CDK14: variants seen among roughly 807,000 people sequenced by gnomAD.
CDK14 encodes cyclin-dependent kinase 14.
Under a neutral mutation model 60.7 loss-of-function variants are expected in CDK14, and 34 were observed. That is an observed-to-expected ratio of 0.56 (90% CI 0.43 to 0.75). The LOEUF (loss-of-function observed/expected upper bound fraction) is 0.75. Ranked by LOEUF, CDK14 falls within the 30% of genes least tolerant of loss-of-function variation. The pLI, the probability that CDK14 is intolerant of heterozygous loss-of-function variation, is 0.00. For synonymous variants in CDK14, 197 were observed against 203.7 expected (o/e 0.97, Z 0.28); for missense variants, 482 against 564.1 (o/e 0.85, Z 1.47).
intron 12 of CDK14, among the ~76,000 whole-genome samples, chr7:91,092,992 T>A (rs1798874505): frequency 1.3e-5 from 2 of 152,214 alleles, no homozygotes; most frequent in Admixed American, 1.3e-4. Context: ...AATAAATTAT[T>A]TGCCAGGACT....
chr7:90,612,016 A>G (rs978988571), intron 2 of CDK14, among the ~76,000 whole-genome samples: 3 of 152,006 alleles, frequency 2.0e-5, no homozygotes, highest in African/African-American at 7.2e-5. Context: ...TATTTTTAGT[A>G]GAGACGGGGT....
chr7:91,180,575 C>G (rs372839349), intron 14 of CDK14, among the ~76,000 whole-genome samples: 1 of 152,054 alleles, frequency 6.6e-6, no homozygotes, highest in South Asian at 2.1e-4. Flanking sequence ...TTTTTTTGCT[C>G]ATTTGTGACT....
chr7:91,059,314 G>A (rs947821127), intron 11 of CDK14, among the ~76,000 whole-genome samples: 3 of 151,648 alleles, frequency 2.0e-5, no homozygotes, highest in Admixed American at 1.3e-4. Flanking sequence ...TATTAGTCTT[G>A]CTAGCGGTCT....
chr7:90,714,388 A>G (rs1008099652), intron 2 of CDK14, among the ~76,000 whole-genome samples: 1 of 152,020 alleles, frequency 6.6e-6, no homozygotes, highest in African/African-American at 2.4e-5. Context: ...GCTGTGCTCT[A>G]TTCACCTTGC....
intron 8 of CDK14, among the ~76,000 whole-genome samples, chr7:90,951,189 CTGTT>C (rs947477882): frequency 2.6e-5 from 4 of 152,044 alleles, no homozygotes; most frequent in Admixed American, 6.6e-5. Context: ...CATTTTATGT[CTGTT>C]TGGAGTCAAG....
At chr7:90,682,178 C>T (rs1417632470) in intron 2 of CDK14, among the ~76,000 whole-genome samples, 1 of 151,878 alleles carries the variant, frequency 6.6e-6, no homozygotes, top group Non-Finnish European at 1.5e-5. Flanking sequence ...TTAAAGTTTA[C>T]CTTTTCACTA....
intron 4 of CDK14, among the ~76,000 whole-genome samples, chr7:90,777,137 T>C (rs1379296632): frequency 6.6e-6 from 1 of 152,176 alleles, no homozygotes; most frequent in Admixed American, 6.5e-5. Flanking sequence ...AAAATGTTGC[T>C]AAATGTTCCC....
chr7:90,902,334 C>A (rs183214511), intron 7 of CDK14, among the ~76,000 whole-genome samples: 2 of 152,180 alleles, frequency 1.3e-5, no homozygotes, highest in African/African-American at 4.8e-5. Context: ...TACTACGTGA[C>A]TTCAAAGTAC....
At chr7:90,885,369 CACA>C (rs1302972351) in intron 6 of CDK14, among the ~76,000 whole-genome samples, 1 of 152,138 alleles carries the variant, frequency 6.6e-6, no homozygotes, top group South Asian at 2.1e-4. Context: ...AAATCAAAAC[CACA>C]ACGAGATACC....
intron 12 of CDK14, among the ~76,000 whole-genome samples, chr7:91,101,176 C>T (rs1276100234): frequency 6.6e-6 from 1 of 152,126 alleles, no homozygotes. Context: ...TTAAGGAAAA[C>T]TTTAGGAATA....
At chr7:90,744,860 C>G (rs1273024810) in intron 3 of CDK14, among the ~76,000 whole-genome samples, 1 of 139,152 alleles carries the variant, frequency 7.2e-6, no homozygotes, top group Non-Finnish European at 1.6e-5. Context: ...ACCCCCCCAC[C>G]TCCCTCCCGG....
At chr7:90,843,649 G>A (rs1240145189) in intron 5 of CDK14, among the ~76,000 whole-genome samples, 1 of 152,098 alleles carries the variant, frequency 6.6e-6, no homozygotes, top group African/African-American at 2.4e-5. Context: ...GTTCCCTGGG[G>A]CAGAGACCTG....
intron 6 of CDK14, among the ~76,000 whole-genome samples, chr7:90,874,718 C>T (rs895409310): frequency 8.3e-4 from 124 of 149,560 alleles, no homozygotes; most frequent in African/African-American, 2.4e-3. Context: ...TTAGTAGAGA[C>T]GGGGTTTCAC....
At chr7:91,115,271 G>A (rs1799573413) in intron 13 of CDK14, among the ~76,000 whole-genome samples, 1 of 152,092 alleles carries the variant, frequency 6.6e-6, no homozygotes, top group Non-Finnish European at 1.5e-5. Flanking sequence ...TTTCTCTTGG[G>A]GATGGGAGGT....
chr7:91,144,121 C>T lies in CDK14; in HGVS notation c.*28+25913C>T, dbSNP rs116585404. ...TTAGAGGTTCAAGAACTACAGTGCCCCCAAAACCCTTACCAGATCAAGTTA... is the reference window on the plus strand; with the variant it reads ...TTAGAGGTTCAAGAACTACAGTGCCTCCAAAACCCTTACCAGATCAAGTTA... On this transcript the variant is annotated intron_variant, in intron 14 of 14. Transcript: ENST00000380050. Among the ~76,000 whole-genome samples, 958 of 152,226 alleles carry T rather than the reference C, an allele frequency of 6.3e-3. 12 individuals are homozygous for T. The highest frequency in any genetic ancestry group is 0.021 in the African/African-American group (887 of 41,528).
At chr7:90,608,641 A>G in intron 2 of CDK14, 1 of 555,734 alleles carries the variant, frequency 1.8e-6, no homozygotes, top group Non-Finnish European at 2.3e-6. Flanking sequence ...TCATATGTTT[A>G]TGGCATATAA....
At chr7:91,061,618 A>C (rs913441232) in intron 11 of CDK14, among the ~76,000 whole-genome samples, 1 of 152,166 alleles carries the variant, frequency 6.6e-6, no homozygotes, top group African/African-American at 2.4e-5. Flanking sequence ...TCCTTCTAAC[A>C]GTCAGGACCC....
At chr7:90,596,792 C>A (rs2116292596) in intron 1 of CDK14, 74 bp downstream of exon 1, 3 of 1,272,692 alleles carry the variant, frequency 2.4e-6, no homozygotes, top group Non-Finnish European at 3.4e-6. Context: ...GTTCCTGGCA[C>A]CAGCCATGCA....
At chr7:90,676,073 T>C (rs1386243936) in intron 2 of CDK14, among the ~76,000 whole-genome samples, 1 of 152,220 alleles carries the variant, frequency 6.6e-6, no homozygotes, top group Non-Finnish European at 1.5e-5. Flanking sequence ...ACATACTATA[T>C]GCCTGTAATC....
Sources: gnomAD v4.1 joint callset for allele counts (sites outside exome capture counted in the v4.1 genomes callset) on GRCh38, gnomAD v4.1.1 for gene constraint, MANE v1.5 for transcripts, NCBI Gene and HGNC (gene_info 2026-07-23, HGNC 2026-07-21) for gene names.